Variants in MAL2 observed in about 807,000 individuals in gnomAD.
MAL2 encodes the protein mal, T cell differentiation protein 2, also known as protein MAL2.
In MAL2, 17 loss-of-function variants were observed where a neutral mutation model predicts 18.1. The ratio of observed to expected loss-of-function variants is 0.94; its 90% CI spans 0.64 to 1.41. MAL2 has a LOEUF of 1.41. Among genes scored for constraint, MAL2 ranks in the 40% most tolerant of loss-of-function variants. The probability of loss-of-function intolerance (pLI) is 0.00; values close to 1 mark genes in which losing one functional copy is unlikely to be tolerated. For synonymous variants in MAL2, 102 were observed against 102.3 expected (o/e 1.00, Z 0.02); for missense variants, 222 against 231.9 (o/e 0.96, Z 0.28).
chr8:119,212,510 C>A (rs1210949574), intron 1 of MAL2, among the ~76,000 whole-genome samples: 1 of 152,114 alleles, frequency 6.6e-6, no homozygotes, highest in African/African-American at 2.4e-5. Context: ...TAACATGGCT[C>A]CTGCCCTTAA....
chr8:119,232,612 A>C (rs972153237), intron 2 of MAL2, among the ~76,000 whole-genome samples: 2 of 152,154 alleles, frequency 1.3e-5, no homozygotes, highest in African/African-American at 4.8e-5. Flanking sequence ...AAATATATGA[A>C]TATATGTTAT....
At chr8:119,212,349 C>A (rs1464821353) in intron 1 of MAL2, among the ~76,000 whole-genome samples, 1 of 152,182 alleles carries the variant, frequency 6.6e-6, no homozygotes, top group African/African-American at 2.4e-5. Context: ...TATTCATTCA[C>A]ATTTATCTTT....
intron 2 of MAL2, among the ~76,000 whole-genome samples, chr8:119,235,040 C>T: frequency 1.3e-5 from 2 of 151,158 alleles, no homozygotes. Flanking sequence ...AAACCAAAGG[C>T]AAAGAAGTTG....
intron 1 of MAL2, among the ~76,000 whole-genome samples, chr8:119,216,943 G>A (rs11992639): frequency 0.068 from 10,387 of 152,236 alleles, 447 homozygotes; most frequent in Non-Finnish European, 0.092. Flanking sequence ...TAGGAAATAA[G>A]TGACATTTGA....
intron 2 of MAL2, among the ~76,000 whole-genome samples, chr8:119,232,202 A>T (rs887792375): frequency 6.6e-6 from 1 of 151,696 alleles, no homozygotes. Flanking sequence ...CATGTACACG[A>T]TAAATATGTA....
rs1181829233 is a variant in MAL2 at position 119,244,725 on chromosome 8, G to GTAATGTTTT, written c.*1237_*1238insTAATGTTTT. On this transcript the variant is annotated 3_prime_UTR_variant, in exon 4 of 4. Transcript: ENST00000614891. ...CAGACATCTGTAATGTTTTTGCACT[G>GTAATGTTTT]GTGACAGACAAAATCTGTTTTAAAA... 2.0e-5 allele frequency: 3 copies of GTAATGTTTT among 152,128 alleles called. No homozygotes were observed. Among genetic ancestry groups the GTAATGTTTT allele is most frequent in the Non-Finnish European group, 4.4e-5 (3 of 68,032 alleles). 9.4% of individuals were successfully genotyped at this position (152,128 alleles called of 1,614,324 possible).
At chr8:119,224,677 T>C (rs138178059) in intron 2 of MAL2, among the ~76,000 whole-genome samples, 307 of 152,250 alleles carry the variant, frequency 2.0e-3, no homozygotes, top group African/African-American at 7.1e-3. Context: ...ATGTAGTTTT[T>C]TTATCCCTCC....
intron 1 of MAL2, among the ~76,000 whole-genome samples, chr8:119,218,958 A>G (rs1005403898): frequency 6.6e-6 from 1 of 152,226 alleles, no homozygotes; most frequent in Non-Finnish European, 1.5e-5. Flanking sequence ...GTGGGAGAGT[A>G]AGAAAAGACT....
chr8:119,236,329 CCACA>C (rs1817891742), intron 2 of MAL2, among the ~76,000 whole-genome samples: 1 of 148,564 alleles, frequency 6.7e-6, no homozygotes, highest in Non-Finnish European at 1.5e-5. Context: ...ACTTAGACTC[CCACA>C]CATTAATAAT....
In MAL2 at chr8:119,240,171, G is replaced by GC; in HGVS notation, c.312dup (p.Tyr105LeufsTer24). On this transcript the variant is annotated frameshift_variant, in exon 3 of 4. Coordinates refer to ENST00000614891, the MANE Select transcript of MAL2 (RefSeq NM_052886.3). LOFTEE classifies it high-confidence loss of function. ...CTTTTCTCTCCTCTTTTAGGATTTTGCCTACCATTTTACAGTATTTGTCTT... is the reference window on the plus strand; with the variant it reads ...CTTTTCTCTCCTCTTTTAGGATTTTGCCCTACCATTTTACAGTATTTGTCTT... The GC allele has an allele frequency of 6.2e-7, 1 of 1,610,502 alleles. No individual in the cohort carries two copies. The highest frequency in any genetic ancestry group is 8.5e-7 in the Non-Finnish European group (1 of 1,178,026).
chr8:119,229,385 T>C (rs1382347581), intron 2 of MAL2, among the ~76,000 whole-genome samples: 1 of 150,402 alleles, frequency 6.6e-6, no homozygotes, highest in Non-Finnish European at 1.5e-5. Context: ...GGATCTCTGC[T>C]CATTGCAACC....
chr8:119,239,511 G>A (rs1260379926), intron 2 of MAL2, among the ~76,000 whole-genome samples: 1 of 151,934 alleles, frequency 6.6e-6, no homozygotes, highest in South Asian at 2.1e-4. Context: ...CAAAGACTTG[G>A]AACCAACCCA....
At chr8:119,223,782 T>C (rs1047260111) in intron 2 of MAL2, 1 of 152,204 alleles carries the variant, frequency 6.6e-6, no homozygotes, top group Non-Finnish European at 1.5e-5. Flanking sequence ...TTCTCTTTTT[T>C]TCTTCTTTTG....
intron 1 of MAL2, among the ~76,000 whole-genome samples, chr8:119,213,882 C>T (rs796707977): frequency 2.6e-5 from 4 of 152,060 alleles, no homozygotes; most frequent in African/African-American, 9.6e-5. Flanking sequence ...AACCAATGCC[C>T]CTGCCAGAGA....
chr8:119,211,868 C>T (rs1346035412), intron 1 of MAL2, among the ~76,000 whole-genome samples: 1 of 130,944 alleles, frequency 7.6e-6, no homozygotes, highest in African/African-American at 4.3e-5. Context: ...GAATGGAAGC[C>T]ATCACCTTCA....
At chr8:119,209,491 A>G (rs1817238296) in intron 1 of MAL2, among the ~76,000 whole-genome samples, 1 of 152,326 alleles carries the variant, frequency 6.6e-6, no homozygotes, top group South Asian at 2.1e-4. Context: ...ATAATGTGCA[A>G]ATATAAATTG....
intron 3 of MAL2, among the ~76,000 whole-genome samples, chr8:119,241,904 G>A (rs1416639578): frequency 1.3e-5 from 2 of 152,156 alleles, no homozygotes; most frequent in Non-Finnish European, 2.9e-5. Context: ...CTTGAATGAT[G>A]CTCATTCTCT....
At chr8:119,213,972 C>A (rs1030106119) in intron 1 of MAL2, among the ~76,000 whole-genome samples, 4 of 152,102 alleles carry the variant, frequency 2.6e-5, no homozygotes, top group Non-Finnish European at 5.9e-5. Context: ...AAACTTTAAA[C>A]CAAGTAGCTG....
At chr8:119,222,520 CAA>C (rs771003231) in intron 2 of MAL2, among the ~76,000 whole-genome samples, 40 of 80,544 alleles carry the variant, frequency 5.0e-4, no homozygotes, top group Non-Finnish European at 5.2e-4. Context: ...GACTCCATCT[CAA>C]AAAAAAAAAA....
Sources: gnomAD v4.1 joint callset for allele counts (sites outside exome capture counted in the v4.1 genomes callset) on GRCh38, gnomAD v4.1.1 for gene constraint, MANE v1.5 for transcripts, NCBI Gene and HGNC (gene_info 2026-07-23, HGNC 2026-07-21) for gene names.